CMIP: variants seen among roughly 807,000 people sequenced by gnomAD.
CMIP encodes the protein c-Maf inducing protein.
CMIP carries 13 observed loss-of-function variants against 97.3 expected under a neutral mutation model. The observed-to-expected ratio is 0.13, with a 90% confidence interval of 0.09 to 0.21. The LOEUF is 0.21. Ranked by LOEUF, CMIP falls within the 10% of genes least tolerant of loss-of-function variation. CMIP has a pLI of 1.00. For synonymous variants in CMIP, 538 were observed against 436.3 expected (o/e 1.23, Z -2.91); for missense variants, 847 against 1,024.9 (o/e 0.83, Z 2.37).
At position 81,616,149 on chromosome 16, in the gene CMIP, C is replaced by T. The variant is rs1255536596; in HGVS notation, c.427-4727C>T. Among the ~76,000 whole-genome samples the T allele has an allele frequency of 6.8e-6, 1 of 147,172 alleles. No homozygotes were observed. Among genetic ancestry groups the T allele is most frequent in the East Asian group, 2.0e-4 (1 of 5,046 alleles). The stretch of plus-strand genomic sequence containing the variant: ...CCTTACATGTCATTAATTCATTCAG[C>T]TGTATTTTTTTTTTTTTTTTTTTAA... On this transcript the variant is annotated intron_variant, in intron 2 of 20. Transcript: ENST00000537098. The surrounding 1 kb of genome is among the most constrained non-coding windows in gnomAD (Gnocchi z 4.7).
chr16:81,699,681 A>T lies in CMIP; in HGVS notation c.1639-4A>T. The T allele has an allele frequency of 1.2e-6, 2 of 1,602,178 alleles. No homozygotes were observed. Among genetic ancestry groups the T allele is most frequent in the Non-Finnish European group, 8.5e-7 (1 of 1,169,872 alleles). On this transcript the variant is annotated splice_polypyrimidine_tract_variant and splice_region_variant and intron_variant, in intron 14 of 20. Transcript: ENST00000537098. ...CCCTTCACCTGGGCCTTCTTGCCTC[A>T]CAGGTGCACATCCTCATGGGCTCCT...
At position 81,585,656 on chromosome 16, in the gene CMIP, C is replaced by T. The variant is rs764378514; in HGVS notation, c.301-21911C>T. 5.5e-5 allele frequency among the ~76,000 whole-genome samples: 8 copies of T among 144,860 alleles called. No homozygotes were observed. The East Asian group carries it at 6.3e-4, about 11-fold the overall frequency. ...GTAGCGTGTGTCAGTACAAATTTAA[C>T]GGCAGACACCGCATGGCACAGTACC... On this transcript the variant is annotated intron_variant, in intron 1 of 20. Coordinates refer to ENST00000537098, the MANE Select transcript of CMIP (RefSeq NM_198390.3).
At chr16:81,559,784 A>G (rs2090840618) in intron 1 of CMIP, among the ~76,000 whole-genome samples, 1 of 151,860 alleles carries the variant, frequency 6.6e-6, no homozygotes, top group African/African-American at 2.4e-5. Context: ...TTTGTGGTAT[A>G]CTCCTTCTAG....
chr16:81,661,764 C>A (rs902308390), intron 6 of CMIP, among the ~76,000 whole-genome samples: 3 of 152,102 alleles, frequency 2.0e-5, no homozygotes, highest in African/African-American at 7.2e-5. Context: ...CCACCCCTCA[C>A]CCCAGGGAGT....
intron 1 of CMIP, among the ~76,000 whole-genome samples, chr16:81,540,139 G>A (rs2090421565): frequency 1.3e-5 from 2 of 152,310 alleles, no homozygotes; most frequent in Middle Eastern, 3.4e-3. Flanking sequence ...CCATCCAAAC[G>A]GAAAGACGAA....
rs998040357 is a variant in CMIP, at chr16:81,614,460, C to G, written c.427-6416C>G. On this transcript the variant is annotated intron_variant, in intron 2 of 20. Coordinates refer to ENST00000537098, the MANE Select transcript of CMIP (RefSeq NM_198390.3). The surrounding 1 kb of genome is among the most constrained non-coding windows in gnomAD (Gnocchi z 5.3). ...CATTGGCCTGTGTGCTTGCCAGGAG[C>G]CCGGAGGGAAGAGACCTGGAAATGA... Among the ~76,000 whole-genome samples, 1 of 152,114 alleles carries G rather than the reference C, an allele frequency of 6.6e-6. No homozygotes were observed. Among genetic ancestry groups the G allele is most frequent in the African/African-American group, 2.4e-5 (1 of 41,396 alleles).
At chr16:81,487,350 G>A (rs775664423) in intron 1 of CMIP, among the ~76,000 whole-genome samples, 2 of 152,210 alleles carry the variant, frequency 1.3e-5, no homozygotes, top group East Asian at 1.9e-4. Context: ...TGAGGAACCC[G>A]CTTCAAACCT....
chr16:81,500,256 G>GTCCTTCCTTCCGTCCTTCCTTCCTTCCT (rs2089573766), intron 1 of CMIP, among the ~76,000 whole-genome samples: 2 of 109,610 alleles, frequency 1.8e-5, no homozygotes, highest in African/African-American at 6.5e-5. Context: ...CCTTCCTTCC[G>GTCCTTCCTTCCGTCCTTCCTTCCTTCCT]TCCTTCCTTC....
intron 3 of CMIP, among the ~76,000 whole-genome samples, chr16:81,645,182 T>A (rs1258913493): frequency 2.0e-5 from 3 of 152,226 alleles, no homozygotes; most frequent in Non-Finnish European, 4.4e-5. Context: ...GCTGGTAGCT[T>A]CTGGACTAGG....
chr16:81,684,234 G>A (rs1434188102), intron 10 of CMIP, among the ~76,000 whole-genome samples: 3 of 152,226 alleles, frequency 2.0e-5, no homozygotes, highest in Non-Finnish European at 4.4e-5. Context: ...CGGCCTCGCG[G>A]GTAACAGCCA....
intron 1 of CMIP, among the ~76,000 whole-genome samples, chr16:81,577,209 T>A (rs2091206846): frequency 6.8e-6 from 1 of 146,420 alleles, no homozygotes; most frequent in Non-Finnish European, 1.5e-5. Context: ...ATCATAACCA[T>A]CACCTTTATC....
chr16:81,528,824 T>G (rs2090179437), intron 1 of CMIP, among the ~76,000 whole-genome samples: 2 of 152,202 alleles, frequency 1.3e-5, no homozygotes, highest in South Asian at 4.1e-4. Context: ...GCCATCATCA[T>G]CTATCTCCTT....
intron 5 of CMIP, among the ~76,000 whole-genome samples, chr16:81,659,459 T>A (rs1275590160): frequency 2.0e-5 from 3 of 152,028 alleles, no homozygotes; most frequent in African/African-American, 7.3e-5. Context: ...CCAAGGTGAA[T>A]CTTAAAGGAT....
At chr16:81,500,913 C>T (rs573667521) in intron 1 of CMIP, among the ~76,000 whole-genome samples, 1 of 152,222 alleles carries the variant, frequency 6.6e-6, no homozygotes. Flanking sequence ...GAAGTCCTCA[C>T]GAGTTGAACT....
At chr16:81,572,638 G>T (rs138503025) in intron 1 of CMIP, among the ~76,000 whole-genome samples, 1 of 152,156 alleles carries the variant, frequency 6.6e-6, no homozygotes, top group Admixed American at 6.5e-5. Context: ...TGCCCGGCCC[G>T]CACATGGTCG....
chr16:81,474,666 G>A (rs947708877), intron 1 of CMIP, among the ~76,000 whole-genome samples: 12 of 152,214 alleles, frequency 7.9e-5, no homozygotes, highest in Non-Finnish European at 1.6e-4. Flanking sequence ...GGGGGAAGTG[G>A]AGGAACCACT....
intron 13 of CMIP, among the ~76,000 whole-genome samples, chr16:81,694,708 A>T (rs926754372): frequency 6.6e-6 from 1 of 152,148 alleles, no homozygotes; most frequent in Non-Finnish European, 1.5e-5. Context: ...AGCCAAGCAT[A>T]TGCGTTTTGA....
intron 1 of CMIP, among the ~76,000 whole-genome samples, chr16:81,457,856 G>C (rs1475840306): frequency 6.6e-6 from 1 of 152,184 alleles, no homozygotes; most frequent in Non-Finnish European, 1.5e-5. Flanking sequence ...CCAAGAGCCG[G>C]TGGGCCACGG....
At chr16:81,671,714 G>C (rs1287495815) in intron 8 of CMIP, among the ~76,000 whole-genome samples, 7 of 152,050 alleles carry the variant, frequency 4.6e-5, no homozygotes. Flanking sequence ...GGCCACTCAG[G>C]GGTTTGAACC....
Sources: allele counts gnomAD v4.1 joint callset (sites outside exome capture counted in the v4.1 genomes callset), GRCh38; gene constraint gnomAD v4.1.1; non-coding constraint Gnocchi (gnomAD v3.1); transcripts MANE v1.5; gene names NCBI Gene and HGNC (gene_info 2026-07-23, HGNC 2026-07-21).